TECTB: variants seen among roughly 807,000 people sequenced by gnomAD.
The protein encoded by TECTB is beta-tectorin.
TECTB carries 45 observed loss-of-function variants against 43.3 expected under a neutral mutation model. The ratio of observed to expected loss-of-function variants is 1.04; its 90% CI spans 0.82 to 1.33. The LOEUF (loss-of-function observed/expected upper bound fraction) is 1.33. Ranked by LOEUF, TECTB falls within the 40% of genes most tolerant of loss-of-function variation. TECTB has a pLI of 0.00. For synonymous variants in TECTB, 169 were observed against 156.7 expected, an observed-to-expected ratio of 1.08 and a Z score of -0.59; for missense variants, 399 against 404.7, an observed-to-expected ratio of 0.99 and a Z score of 0.12.
chr10:112,297,668 C>T (rs1848560788), intron 7 of TECTB, among the ~76,000 whole-genome samples: 1 of 152,136 alleles, frequency 6.6e-6, no homozygotes. Flanking sequence ...GTGACTTGAG[C>T]TTAGGCAGCT....
intron 3 of TECTB, among the ~76,000 whole-genome samples, chr10:112,285,366 G>A (rs1233157510): frequency 6.6e-6 from 1 of 152,092 alleles, no homozygotes; most frequent in Non-Finnish European, 1.5e-5. Flanking sequence ...TGCCCTACCT[G>A]CCAGAAGGCT....
In TECTB at chr10:112,303,616, AC is replaced by A. The variant is rs1453194985; in HGVS notation, c.*305del. 2.5e-6 allele frequency: 1 copy of A among 393,894 alleles called. No homozygotes were observed. Among genetic ancestry groups the A allele is most frequent in the African/African-American group, 2.0e-5 (1 of 50,242 alleles). The allele number at this position is 393,894 out of a possible 1,614,324, so 24.4% of individuals were successfully genotyped here. A position where few individuals can be genotyped will look rare whatever the true frequency, so the allele number is the denominator to read the frequency against. On this transcript the variant is annotated 3_prime_UTR_variant, in exon 11 of 11. Coordinates refer to ENST00000646139, the MANE Select transcript of TECTB (RefSeq NM_058222.3). ...GTAAATTCCTTTGAAAGCTATTTTA[AC>A]TTTAAAAGGTTAGCAGACCCAACCA...
chr10:112,296,209 G>GAGAT (rs1848545732), intron 7 of TECTB, among the ~76,000 whole-genome samples: 1 of 152,122 alleles, frequency 6.6e-6, no homozygotes, highest in African/African-American at 2.4e-5. Context: ...GAGATGGCAG[G>GAGAT]AGATATATCA....
In TECTB at chr10:112,298,240, C is replaced by T. The variant is rs146075489; in HGVS notation, c.834+9C>T. ...AACTCTCCTGCCCAGTGGTGAGCTG[C>T]CTCTCTCCAGAAGGACAATGTTACC... On this transcript the variant is annotated intron_variant, in intron 8 of 10. Transcript: ENST00000646139. The T allele has an allele frequency of 1.5e-5, 24 of 1,610,806 alleles. No homozygotes were observed. The East Asian group carries it at 5.4e-4, about 36-fold the overall frequency.
chr10:112,286,150 A>G lies in TECTB; in HGVS notation c.347A>G (p.Asn116Ser), dbSNP rs1303417124. The change falls in exon 4 of 11, where the codon AAC (asparagine) becomes AGC (serine). Residue 116 changes from asparagine to serine, a missense_variant. Physicochemically the swap from Asn to Ser is conservative, Grantham distance 46. Coordinates refer to ENST00000646139, the MANE Select transcript of TECTB (RefSeq NM_058222.3). The part of the protein sequence containing the change: ...TTVIVKNQPV[N>S]YSFSCTYHST... ...GTGATTGTAAAAAACCAGCCTGTCA[A>G]CTACTCCTTCTCCTGCACCTACCAC... is the stretch of plus-strand genomic sequence containing the variant. 1 of 1,614,066 alleles carries G rather than the reference A, an allele frequency of 6.2e-7. No individual in the cohort carries two copies. The highest frequency in any genetic ancestry group is 8.5e-7 in the Non-Finnish European group (1 of 1,180,022).
intron 9 of TECTB, among the ~76,000 whole-genome samples, chr10:112,300,291 G>GA (rs1404203530): frequency 2.6e-5 from 2 of 76,684 alleles, no homozygotes; most frequent in Admixed American, 2.7e-4. Context: ...AAGAAAGAAA[G>GA]AAAGAAAGAA....
chr10:112,293,485 A>G (rs1198086594), intron 5 of TECTB, among the ~76,000 whole-genome samples: 1 of 152,218 alleles, frequency 6.6e-6, no homozygotes, highest in Non-Finnish European at 1.5e-5. Flanking sequence ...CATAAATGAG[A>G]CATACAGTGT....
chr10:112,285,594 A>C (rs1404915498), intron 3 of TECTB, among the ~76,000 whole-genome samples: 1 of 152,224 alleles, frequency 6.6e-6, no homozygotes, highest in Non-Finnish European at 1.5e-5. Context: ...CTCCAGCTCT[A>C]ATATTCTGTG....
intron 5 of TECTB, among the ~76,000 whole-genome samples, chr10:112,289,949 T>C (rs1040163794): frequency 6.6e-6 from 1 of 152,186 alleles, no homozygotes; most frequent in African/African-American, 2.4e-5. Context: ...CCTTAACTTG[T>C]GACACTGGCT....
intron 3 of TECTB, among the ~76,000 whole-genome samples, chr10:112,285,281 A>C (rs1848444486): frequency 6.6e-6 from 1 of 152,206 alleles, no homozygotes; most frequent in African/African-American, 2.4e-5. Flanking sequence ...ATTCAGGGCC[A>C]CAGAGCCTGT....
At chr10:112,285,166 G>A (rs554051805) in intron 3 of TECTB, among the ~76,000 whole-genome samples, 1 of 152,336 alleles carries the variant, frequency 6.6e-6, no homozygotes, top group East Asian at 1.9e-4. Flanking sequence ...GTCTTGTGAA[G>A]TGCCCAGGAT....
Position 112,298,132 on chromosome 10 carries a change from A to G in TECTB, c.735A>G (p.Gln245=), listed in dbSNP as rs771216214. 6.8e-6 allele frequency: 11 copies of G among 1,614,090 alleles called. No homozygotes were observed. In the African/African-American group the frequency reaches 1.1e-4, roughly 16 times the overall value. ...GGAGAGATCACAGGGCAACCTTCCA[A>G]TTCAATGCTTTCCGGTTCCAGAACA... ...ENGRDHRATF[Q]FNAFRFQNIP... Residue 245 remains glutamine (Q), a synonymous_variant, in exon 8 of 11, where the codon CAA becomes CAG. Coordinates refer to ENST00000646139, the MANE Select transcript of TECTB (RefSeq NM_058222.3).
At chr10:112,296,865 T>C (rs547650338) in intron 7 of TECTB, among the ~76,000 whole-genome samples, 3 of 152,278 alleles carry the variant, frequency 2.0e-5, no homozygotes, top group Admixed American at 1.3e-4. Context: ...AGAAGAAAGA[T>C]GCTTCAGAGT....
chr10:112,303,552 G>T lies in TECTB; in HGVS notation c.*240G>T. On this transcript the variant is annotated 3_prime_UTR_variant, in exon 11 of 11. Transcript: ENST00000646139. ...ATCTCACAGTCCTTCTACAGCTGGG[G>T]GAGGAGCCTCCTTTCTCCATACTCA... The T allele has an allele frequency of 1.9e-6, 1 of 537,068 alleles. No individual in the cohort carries two copies. 33.3% of individuals were successfully genotyped at this position (537,068 alleles called of 1,614,324 possible). A position where few individuals can be genotyped will look rare whatever the true frequency, so the allele number is the denominator to read the frequency against.
At position 112,299,498 on chromosome 10, in the gene TECTB, G is replaced by A. The variant is rs142157041; in HGVS notation, c.841G>A (p.Asp281Asn). Reference protein sequence around the residue: ...SEKLSCPVTCDKRKRLLRDQT... With the variant: ...SEKLSCPVTCNKRKRLLRDQT... ...TGCCTCTCTGGGTCTTCAGACCTGCGATAAACGGAAGCGCCTCCTGCGAGA... is the reference window on the plus strand; with the variant it reads ...TGCCTCTCTGGGTCTTCAGACCTGCAATAAACGGAAGCGCCTCCTGCGAGA... Residue 281 changes from aspartate to asparagine, a missense_variant, in exon 9 of 11, where the codon GAT becomes AAT. By Grantham distance (23) the Asp-to-Asn change is conservative (BLOSUM62 1). Transcript: ENST00000646139. 2.2e-5 allele frequency: 35 copies of A among 1,614,060 alleles called. No homozygotes were observed. Among genetic ancestry groups the A allele is most frequent in the South Asian group, 6.6e-5 (6 of 91,092 alleles).
At chr10:112,286,800 T>C (rs1848458300) in intron 5 of TECTB, among the ~76,000 whole-genome samples, 1 of 152,146 alleles carries the variant, frequency 6.6e-6, no homozygotes, top group Admixed American at 6.5e-5. Context: ...CACATGCCTG[T>C]AGTCCCAGCT....
At chr10:112,295,498 G>T (rs550151313) in intron 7 of TECTB, among the ~76,000 whole-genome samples, 7 of 152,358 alleles carry the variant, frequency 4.6e-5, no homozygotes, top group African/African-American at 1.7e-4. Flanking sequence ...GACTCAGTCA[G>T]TGTTACCTCC....
chr10:112,292,257 A>G (rs1191484872), intron 5 of TECTB, among the ~76,000 whole-genome samples: 1 of 152,174 alleles, frequency 6.6e-6, no homozygotes, highest in African/African-American at 2.4e-5. Flanking sequence ...TAAGTCAAAC[A>G]GAAACACTGC....
intron 2 of TECTB, 50 bp from the exon 3 acceptor site, chr10:112,284,484 GT>G: frequency 1.3e-6 from 2 of 1,496,546 alleles, no homozygotes; most frequent in Middle Eastern, 1.8e-4. Flanking sequence ...CGTTACGTAG[GT>G]TAGCATGATT....
Sources: gnomAD v4.1 joint callset for allele counts (sites outside exome capture counted in the v4.1 genomes callset) on GRCh38, gnomAD v4.1.1 for gene constraint, MANE v1.5 for transcripts, NCBI Gene and HGNC (gene_info 2026-07-23, HGNC 2026-07-21) for gene names.